The following NPHS2 variants were observed in gnomAD, a reference collection of about 807,000 sequenced individuals.
NPHS2 encodes the protein podocin.
A neutral mutation model predicts 37.1 loss-of-function variants in NPHS2; 36 were observed. The ratio of observed to expected loss-of-function variants is 0.97; its 90% CI spans 0.74 to 1.28. The LOEUF is 1.28. Among genes scored for constraint, NPHS2 ranks in the 50% most tolerant of loss-of-function variants. The pLI is 0.00. For synonymous variants in NPHS2, 196 were observed against 189.3 expected (o/e 1.04, Z -0.29); for missense variants, 447 against 488.1 (o/e 0.92, Z 0.79).
At chr1:179,552,313 G>T in intron 7 of NPHS2, 1 of 482,256 alleles carries the variant, frequency 2.1e-6, no homozygotes, top group Non-Finnish European at 3.8e-6. Context: ...GCCAGCACTA[G>T]AGAAGAGGGA....
chr1:179,574,887 TG>T (rs1674696635), intron 1 of NPHS2, among the ~76,000 whole-genome samples: 1 of 152,256 alleles, frequency 6.6e-6, no homozygotes. Context: ...TTCCCTCCTT[TG>T]ATCTAATTTT....
At chr1:179,554,437 C>T in intron 6 of NPHS2, 39 bp downstream of exon 6, 1 of 1,611,580 alleles carries the variant, frequency 6.2e-7, no homozygotes, top group Non-Finnish European at 8.5e-7. Context: ...GAATATTTTC[C>T]TTTATCATAC....
intron 3 of NPHS2, among the ~76,000 whole-genome samples, chr1:179,559,989 C>G (rs972094863): frequency 3.3e-5 from 5 of 152,150 alleles, no homozygotes; most frequent in Admixed American, 2.6e-4. Context: ...GCAAACTGGG[C>G]TGTGTGGTCC....
In NPHS2 at chr1:179,550,762, A is replaced by C. The variant is rs1044995892; in HGVS notation, c.*411T>G. The C allele has an allele frequency of 7.4e-6, 2 of 269,624 alleles. No homozygotes were observed. Among genetic ancestry groups the C allele is most frequent in the Non-Finnish European group, 1.4e-5 (2 of 138,098 alleles). The allele number at this position is 269,624 out of a possible 1,614,324, so 16.7% of individuals were successfully genotyped here. A position where few individuals can be genotyped will look rare whatever the true frequency, so the allele number is the denominator to read the frequency against. On this transcript the variant is annotated 3_prime_UTR_variant, in exon 8 of 8. Transcript: ENST00000367615. Reference sequence around the variant, plus strand: ...TGCATCTTTGGGACAGAAGAGCAATAGAGTGTGACAAGCCCAATGATAGGT... The same window carrying C: ...TGCATCTTTGGGACAGAAGAGCAATCGAGTGTGACAAGCCCAATGATAGGT...
At chr1:179,555,864 G>T (rs1673900315) in intron 5 of NPHS2, among the ~76,000 whole-genome samples, 1 of 152,140 alleles carries the variant, frequency 6.6e-6, no homozygotes, top group African/African-American at 2.4e-5. Flanking sequence ...ACAGGCCTGT[G>T]CTGAGGACCA....
At chr1:179,561,836 G>A (rs1431908935) in intron 2 of NPHS2, among the ~76,000 whole-genome samples, 1 of 151,422 alleles carries the variant, frequency 6.6e-6, no homozygotes, top group African/African-American at 2.4e-5. Flanking sequence ...ATGAAGTTTC[G>A]CTCTTGTTAC....
Position 179,557,232 on chromosome 1 carries a change from T to A in NPHS2, c.535-2A>T. 6.2e-7 allele frequency: 1 copy of A among 1,613,788 alleles called. No homozygotes were observed. Among genetic ancestry groups the A allele is most frequent in the Non-Finnish European group, 8.5e-7 (1 of 1,179,738 alleles). On this transcript the variant is annotated splice_acceptor_variant, in intron 4 of 7. Coordinates refer to ENST00000367615, the MANE Select transcript of NPHS2 (RefSeq NM_014625.4). LOFTEE classifies it high-confidence loss of function. ...TATAAACATGTCTTTGGTCACGATC[T>A]AGGCAGAAAAAAGTTTGGATGACAG...
intron 1 of NPHS2, among the ~76,000 whole-genome samples, chr1:179,571,891 T>A (rs560858470): frequency 6.6e-6 from 1 of 152,200 alleles, no homozygotes; most frequent in East Asian, 1.9e-4. Flanking sequence ...CGGGAGAGGA[T>A]CACCTTGTCT....
At chr1:179,566,665 C>T (rs940406040) in intron 1 of NPHS2, among the ~76,000 whole-genome samples, 5 of 152,142 alleles carry the variant, frequency 3.3e-5, no homozygotes, top group Non-Finnish European at 5.9e-5. Flanking sequence ...ACGGTATTGC[C>T]TAGGTTTTCT....
chr1:179,572,982 A>G (rs1674619704), intron 1 of NPHS2, among the ~76,000 whole-genome samples: 2 of 152,032 alleles, frequency 1.3e-5, no homozygotes, highest in South Asian at 4.2e-4. Context: ...CTACAGGTGC[A>G]TGCCACCTTA....
At chr1:179,557,346 G>T in intron 4 of NPHS2, 116 bp from the exon 5 acceptor site, 2 of 787,242 alleles carry the variant, frequency 2.5e-6, no homozygotes, top group South Asian at 1.5e-5. Flanking sequence ...AAATGGAGTT[G>T]GCCTACCCTT....
At position 179,564,806 on chromosome 1, in the gene NPHS2, A is replaced by G; in HGVS notation, c.275-13T>C. The G allele has an allele frequency of 6.3e-7, 1 of 1,593,900 alleles. No individual in the cohort carries two copies. The highest frequency in any genetic ancestry group is 8.6e-7 in the Non-Finnish European group (1 of 1,162,068). Reference sequence around the variant, plus strand: ...GAGGATTTGGTACCTTAAAAAAATTAAAGCAAAAGAATAATTATATTGAAA... The same window carrying G: ...GAGGATTTGGTACCTTAAAAAAATTGAAGCAAAAGAATAATTATATTGAAA... On this transcript the variant is annotated splice_polypyrimidine_tract_variant and intron_variant, in intron 1 of 7. Transcript: ENST00000367615.
intron 1 of NPHS2, among the ~76,000 whole-genome samples, chr1:179,567,164 C>T (rs1349107616): frequency 6.6e-6 from 1 of 152,146 alleles, no homozygotes; most frequent in Admixed American, 6.5e-5. Flanking sequence ...GGCAGTATGG[C>T]CATTTTCATG....
chr1:179,560,016 G>A lies in NPHS2; in HGVS notation c.452-255C>T, dbSNP rs187352470. The stretch of plus-strand genomic sequence containing the variant: ...GTGTGGTCCTTTTAGTCATGGTGCT[G>A]CCTCCCCAGGTCTCAATTGCGTGTC... On this transcript the variant is annotated intron_variant, in intron 3 of 7. Transcript: ENST00000367615. Among the ~76,000 whole-genome samples the A allele has an allele frequency of 3.7e-3, 556 of 152,240 alleles. 3 individuals carry two copies. The highest frequency in any genetic ancestry group is 5.5e-3 in the Non-Finnish European group (371 of 68,024).
intron 2 of NPHS2, among the ~76,000 whole-genome samples, chr1:179,563,497 C>A (rs1369557481): frequency 6.6e-6 from 1 of 152,166 alleles, no homozygotes; most frequent in East Asian, 1.9e-4. Flanking sequence ...CTCCACCCAG[C>A]AACAACAGAA....
At chr1:179,568,145 T>G (rs1674408967) in intron 1 of NPHS2, among the ~76,000 whole-genome samples, 1 of 152,222 alleles carries the variant, frequency 6.6e-6, no homozygotes, top group East Asian at 1.9e-4. Context: ...CTCCTCTTTG[T>G]ACCTCTGGTA....
intron 6 of NPHS2, 73 bp from the exon 7 acceptor site, chr1:179,552,754 C>G (rs752112834): frequency 1.5e-5 from 17 of 1,160,126 alleles, no homozygotes; most frequent in Non-Finnish European, 1.9e-5. Context: ...CACAGACTTG[C>G]AAGCCTCTCT....
rs1275128614 is a variant in NPHS2 at position 179,557,152 on chromosome 1, T to C, written c.613A>G (p.Ser205Gly). 1.2e-6 allele frequency: 2 copies of C among 1,614,076 alleles called. No homozygotes were observed. Among genetic ancestry groups the C allele is most frequent in the Admixed American group, 1.7e-5 (1 of 60,012 alleles). ...YRMENASLLL[S>G]SLAHVSKAVQ... ...GCTTTAGATACATGAGCAAGACTGCTTAGGAGAAGAGAGGCATTTTCCATT... is the reference window on the plus strand; with the variant it reads ...GCTTTAGATACATGAGCAAGACTGCCTAGGAGAAGAGAGGCATTTTCCATT... Residue 205 changes from serine (S) to glycine (G), a missense_variant, in exon 5 of 8, where the codon AGC becomes GGC. Ser to Gly is a moderately conservative substitution (Grantham distance 56). Coordinates refer to ENST00000367615, the MANE Select transcript of NPHS2 (RefSeq NM_014625.4).
rs772787583 is a variant in NPHS2, at chr1:179,575,724, G to A, written c.141C>T (p.Gly47=). The A allele has an allele frequency of 6.5e-7, 1 of 1,543,348 alleles. No individual in the cohort carries two copies. The highest frequency in any genetic ancestry group is 8.7e-7 in the Non-Finnish European group (1 of 1,149,482). The change falls in exon 1 of 8, where the codon GGC becomes GGT. Residue 47 remains glycine, a synonymous_variant. Coordinates refer to ENST00000367615, the MANE Select transcript of NPHS2 (RefSeq NM_014625.4). ...GRQEAGPEPS[G]SGRAGTPGEP... Reference sequence around the variant, plus strand: ...CCCCCGGGGTCCCCGCCCGTCCGGAGCCCGACGGCTCGGGCCCAGCCTCCT... The same window carrying A: ...CCCCCGGGGTCCCCGCCCGTCCGGAACCCGACGGCTCGGGCCCAGCCTCCT...
Sources: gnomAD v4.1 joint callset for allele counts (sites outside exome capture counted in the v4.1 genomes callset) on GRCh38, gnomAD v4.1.1 for gene constraint, MANE v1.5 for transcripts, NCBI Gene and HGNC (gene_info 2026-07-23, HGNC 2026-07-21) for gene names.